LPP: variants seen among roughly 807,000 people sequenced by gnomAD.
LPP encodes the protein LIM domain containing preferred translocation partner in lipoma, also known as lipoma-preferred partner.
A neutral mutation model predicts 60.4 loss-of-function variants in LPP; 38 were observed. The ratio of observed to expected loss-of-function variants is 0.63; its 90% CI spans 0.49 to 0.83. The LOEUF is 0.83. LPP is among the 40% of genes least tolerant of loss of function. The pLI, the probability that LPP is intolerant of heterozygous loss-of-function variation, is 0.00. For synonymous variants in LPP, 328 were observed against 290.8 expected (o/e 1.13, Z -1.30); for missense variants, 902 against 783.6 (o/e 1.15, Z -1.80).
intron 9 of LPP, among the ~76,000 whole-genome samples, chr3:188,824,969 T>C (rs561027055): frequency 1.4e-4 from 22 of 152,272 alleles, no homozygotes; most frequent in African/African-American, 4.8e-4. Context: ...GCTGCTTTTA[T>C]GGATTAGCAG....
chr3:188,667,583 G>T (rs1368299608), intron 7 of LPP, among the ~76,000 whole-genome samples: 1 of 151,366 alleles, frequency 6.6e-6, no homozygotes, highest in Admixed American at 6.6e-5. Flanking sequence ...TCTTCCAGAT[G>T]TGGGAACTGT....
intron 6 of LPP, chr3:188,568,566 C>T (rs1832759044): frequency 6.6e-6 from 1 of 151,870 alleles, no homozygotes; most frequent in Non-Finnish European, 1.5e-5. Flanking sequence ...TAGACCAGTA[C>T]TCAGGGTCAG....
chr3:188,524,914 TCC>T (rs1560518847), intron 6 of LPP, 127 bp downstream of exon 6: 7 of 577,802 alleles, frequency 1.2e-5, no homozygotes, highest in African/African-American at 4.1e-5. Flanking sequence ...CTTCCTTCCT[TCC>T]TTCCTTCCTT....
chr3:188,777,756 C>T (rs545527264), intron 9 of LPP, among the ~76,000 whole-genome samples: 97 of 152,306 alleles, frequency 6.4e-4, no homozygotes, highest in African/African-American at 2.2e-3. Context: ...TTCTCTCTGA[C>T]ATCCAGAACA....
At chr3:188,628,756 G>T (rs924378772) in intron 7 of LPP, among the ~76,000 whole-genome samples, 1 of 152,016 alleles carries the variant, frequency 6.6e-6, no homozygotes, top group African/African-American at 2.4e-5. Flanking sequence ...ATTCTATAAC[G>T]CCAGCATCAT....
At position 188,884,739 on chromosome 3, in the gene LPP, C is replaced by G. The variant is rs752101117; in HGVS notation, c.*10260C>G. ...TCTCCCATGAACCACGATGTACGTT[C>G]CACAGAGGCAGAAACCGCCGTAGGT... On this transcript the variant is annotated 3_prime_UTR_variant, in exon 12 of 12. Coordinates refer to ENST00000617246, the MANE Select transcript of LPP (RefSeq NM_001375462.1). The G allele has an allele frequency of 2.6e-5, 6 of 226,632 alleles. No homozygotes were observed. The highest frequency in any genetic ancestry group is 5.3e-5 in the Non-Finnish European group (6 of 114,042). 14.0% of individuals were successfully genotyped at this position (226,632 alleles called of 1,614,324 possible).
intron 4 of LPP, among the ~76,000 whole-genome samples, chr3:188,430,029 C>CT (rs1470032574): frequency 9.9e-5 from 15 of 152,124 alleles, no homozygotes; most frequent in African/African-American, 3.4e-4. Flanking sequence ...CACAGCATCT[C>CT]TGAGAGTGAG....
Position 188,522,886 on chromosome 3 carries a change from G to GTGTATATA in LPP, c.307-1776_307-1775insATATATGT, listed in dbSNP as rs1377362999. Reference sequence around the variant, plus strand: ...ATATATATATGTTTGAGACATATATGTGTGTGTGTGTGTGTATATACATAT... The same window carrying GTGTATATA: ...ATATATATATGTTTGAGACATATATGTGTATATATGTGTGTGTGTGTGTATATACATAT... On this transcript the variant is annotated intron_variant, in intron 5 of 11. Coordinates refer to ENST00000617246, the MANE Select transcript of LPP (RefSeq NM_001375462.1). Among the ~76,000 whole-genome samples, 1,236 of 139,494 alleles carry GTGTATATA rather than the reference G, an allele frequency of 8.9e-3. 24 individuals are homozygous for GTGTATATA. Among genetic ancestry groups the GTGTATATA allele is most frequent in the African/African-American group, 0.034 (1,184 of 35,246 alleles). 91.5% of individuals were successfully genotyped at this position (139,494 alleles called of 152,430 possible).
At chr3:188,388,530 C>T (rs1018767044) in intron 3 of LPP, among the ~76,000 whole-genome samples, 20 of 152,050 alleles carry the variant, frequency 1.3e-4, no homozygotes, top group African/African-American at 4.6e-4. Flanking sequence ...AGTAACAGAA[C>T]CCACCCAGAC....
chr3:188,658,921 A>G (rs917880768), intron 7 of LPP, among the ~76,000 whole-genome samples: 3 of 152,172 alleles, frequency 2.0e-5, no homozygotes, highest in Non-Finnish European at 4.4e-5. Flanking sequence ...TTTCCACACA[A>G]CACTTAGGTT....
At chr3:188,584,541 T>TGTGTG (rs1836970528) in intron 6 of LPP, 2 of 107,514 alleles carry the variant, frequency 1.9e-5, no homozygotes, top group African/African-American at 7.9e-5. Context: ...TCTTTTAATT[T>TGTGTG]TAGTCGTGTG....
At chr3:188,226,491 G>C (rs558084460) in intron 2 of LPP, among the ~76,000 whole-genome samples, 9 of 152,280 alleles carry the variant, frequency 5.9e-5, no homozygotes, top group African/African-American at 1.7e-4. Context: ...GTGTTTTGGT[G>C]TACCTCTGTA....
rs1769714428 is a variant in LPP, at chr3:188,879,783, G to A, written c.*5304G>A. On this transcript the variant is annotated 3_prime_UTR_variant, in exon 12 of 12. Coordinates refer to ENST00000617246, the MANE Select transcript of LPP (RefSeq NM_001375462.1). The stretch of plus-strand genomic sequence containing the variant: ...TTTAACACAGATTAACACTTAGCCT[G>A]TAAGACTAATAATATATTGTAATAG... The A allele has an allele frequency of 5.5e-6, 1 of 181,064 alleles. No homozygotes were observed. Among genetic ancestry groups the A allele is most frequent in the Admixed American group, 6.3e-5 (1 of 15,900 alleles). The allele number at this position is 181,064 out of a possible 1,614,324, so 11.2% of individuals were successfully genotyped here. A position where few individuals can be genotyped will look rare whatever the true frequency, so the allele number is the denominator to read the frequency against.
At chr3:188,737,150 G>T (rs1160545730) in intron 8 of LPP, among the ~76,000 whole-genome samples, 1 of 152,050 alleles carries the variant, frequency 6.6e-6, no homozygotes, top group Non-Finnish European at 1.5e-5. Flanking sequence ...CAATGAACAT[G>T]TGTTATTTTC....
At chr3:188,257,827 G>A (rs1732174672) in intron 2 of LPP, among the ~76,000 whole-genome samples, 1 of 152,206 alleles carries the variant, frequency 6.6e-6, no homozygotes, top group African/African-American at 2.4e-5. Flanking sequence ...GGCTCAAAGA[G>A]ATTAAAAGAC....
At chr3:188,637,920 A>C (rs957589319) in intron 7 of LPP, among the ~76,000 whole-genome samples, 1 of 150,178 alleles carries the variant, frequency 6.7e-6, no homozygotes, top group Admixed American at 6.7e-5. Context: ...TTCACAGCCG[A>C]ATTCTACCAA....
At chr3:188,203,511 A>ATTTAAATATATATATATT (rs1731985016) in intron 1 of LPP, among the ~76,000 whole-genome samples, 5 of 54,266 alleles carry the variant, frequency 9.2e-5, no homozygotes, top group African/African-American at 2.4e-4. Context: ...AAATATATAT[A>ATTTAAATATATATATATT]TTTAAATATA....
At chr3:188,235,149 G>A (rs779294296) in intron 2 of LPP, among the ~76,000 whole-genome samples, 1 of 152,174 alleles carries the variant, frequency 6.6e-6, no homozygotes, top group African/African-American at 2.4e-5. Context: ...AAATAAAGGG[G>A]CAGGAGGAGG....
At chr3:188,321,720 G>A (rs1398731579) in intron 2 of LPP, among the ~76,000 whole-genome samples, 1 of 152,084 alleles carries the variant, frequency 6.6e-6, no homozygotes, top group East Asian at 1.9e-4. Context: ...TTGAAAATAG[G>A]GATTGGGTCT....
Sources: allele counts gnomAD v4.1 joint callset (sites outside exome capture counted in the v4.1 genomes callset), GRCh38; gene constraint gnomAD v4.1.1; transcripts MANE v1.5; gene names NCBI Gene and HGNC (gene_info 2026-07-23, HGNC 2026-07-21).